The following ETV1 variants were observed in gnomAD, a reference collection of about 807,000 sequenced individuals.
ETV1 encodes the protein ETS variant transcription factor 1, also known as ETS translocation variant 1.
A neutral mutation model predicts 62.3 loss-of-function variants in ETV1; 27 were observed. The observed-to-expected ratio is 0.43, with a 90% CI of 0.32 to 0.60. ETV1 has a LOEUF of 0.60. Among genes scored for constraint, ETV1 ranks in the 20% least tolerant of loss-of-function variants. The pLI is 0.06. For synonymous variants in ETV1, 222 were observed against 199.6 expected, an observed-to-expected ratio of 1.11 and a Z score of -0.94; for missense variants, 605 against 605.8, an observed-to-expected ratio of 1.00 and a Z score of 0.01.
intron 6 of ETV1, among the ~76,000 whole-genome samples, chr7:13,950,113 G>C (rs1788624869): frequency 6.6e-6 from 1 of 152,062 alleles, no homozygotes; most frequent in Non-Finnish European, 1.5e-5. Flanking sequence ...TTTCAGGATT[G>C]AGCCAGTGTT....
chr7:13,953,311 T>C (rs1047113988), intron 6 of ETV1, among the ~76,000 whole-genome samples: 2 of 152,178 alleles, frequency 1.3e-5, no homozygotes, highest in African/African-American at 4.8e-5. Flanking sequence ...AATTACCTAA[T>C]TATGACCTTT....
At chr7:13,901,518 T>C (rs1300520851) in intron 12 of ETV1, among the ~76,000 whole-genome samples, 2 of 152,112 alleles carry the variant, frequency 1.3e-5, no homozygotes, top group African/African-American at 2.4e-5. Context: ...ACAAAAACTA[T>C]AGATAAAGAG....
At chr7:13,915,698 G>T (rs1039322500) in intron 9 of ETV1, among the ~76,000 whole-genome samples, 1 of 151,968 alleles carries the variant, frequency 6.6e-6, no homozygotes, top group Non-Finnish European at 1.5e-5. Flanking sequence ...CAAATTGAGT[G>T]CACTCAATTG....
At chr7:13,949,177 T>A (rs1330122994) in intron 6 of ETV1, among the ~76,000 whole-genome samples, 2 of 151,120 alleles carry the variant, frequency 1.3e-5, no homozygotes, top group African/African-American at 4.9e-5. Flanking sequence ...AAAAAAAAAA[T>A]CTCTGTAAAA....
intron 6 of ETV1, among the ~76,000 whole-genome samples, chr7:13,956,259 G>A (rs1011538430): frequency 4.6e-5 from 7 of 151,930 alleles, no homozygotes; most frequent in South Asian, 2.1e-4. Context: ...TTAAATGTTC[G>A]TTAAATTCTT....
chr7:13,988,611 A>T, intron 3 of ETV1: 10 of 1,224,506 alleles, frequency 8.2e-6, no homozygotes, highest in South Asian at 1.9e-5. Context: ...AAAAAAAAAG[A>T]GAAAATGAGA....
Position 13,951,648 on chromosome 7 carries a change from A to G in ETV1, c.236-12402T>C, listed in dbSNP as rs562896935. Among the ~76,000 whole-genome samples the G allele has an allele frequency of 1.8e-4, 27 of 152,326 alleles. No individual in the cohort carries two copies. In the South Asian group the frequency reaches 4.8e-3, roughly 27 times the overall value. On this transcript the variant is annotated intron_variant, in intron 6 of 13. Transcript: ENST00000430479. ...ATGGAGACTAAATCTTGGCTTTGCC[A>G]CTTACTAACTGAAGGACTTCTGGTA... is the stretch of plus-strand genomic sequence containing the variant.
At chr7:13,912,492 T>A in intron 9 of ETV1, among the ~76,000 whole-genome samples, 1 of 152,178 alleles carries the variant, frequency 6.6e-6, no homozygotes, top group Non-Finnish European at 1.5e-5. Flanking sequence ...ATTTAAGATA[T>A]ACTGATTTAA....
chr7:13,981,226 G>C (rs1003103114), intron 5 of ETV1, among the ~76,000 whole-genome samples: 2 of 152,092 alleles, frequency 1.3e-5, no homozygotes, highest in African/African-American at 4.8e-5. Context: ...GGCGGAAGAT[G>C]TATGAGTCAT....
At chr7:13,983,707 T>C (rs1782234276) in intron 5 of ETV1, among the ~76,000 whole-genome samples, 2 of 116,376 alleles carry the variant, frequency 1.7e-5, no homozygotes, top group African/African-American at 7.0e-5. Context: ...AAACTGTGTT[T>C]AGATGTTAAA....
chr7:13,986,997 A>G (rs1782605060), intron 4 of ETV1: 1 of 275,476 alleles, frequency 3.6e-6, no homozygotes. Flanking sequence ...GCTGAGGTGA[A>G]TATGTGTCTG....
chr7:13,913,706 CTTAAA>C (rs1783806189), intron 9 of ETV1, among the ~76,000 whole-genome samples: 1 of 151,930 alleles, frequency 6.6e-6, no homozygotes, highest in Admixed American at 6.6e-5. Context: ...CTCTGCTGTT[CTTAAA>C]TTATATGAGA....
At chr7:13,900,651 A>T in intron 13 of ETV1, 87 bp downstream of exon 13, 1 of 927,318 alleles carries the variant, frequency 1.1e-6, no homozygotes. Flanking sequence ...TCGCTTCAGC[A>T]ATGCAATGAT....
At chr7:13,965,536 A>G (rs557154815) in intron 6 of ETV1, among the ~76,000 whole-genome samples, 3 of 152,240 alleles carry the variant, frequency 2.0e-5, no homozygotes, top group South Asian at 2.1e-4. Context: ...AGATCTGCAT[A>G]GACTAAGCAA....
At chr7:13,936,344 A>T (rs1278738122) in intron 7 of ETV1, among the ~76,000 whole-genome samples, 1 of 152,142 alleles carries the variant, frequency 6.6e-6, no homozygotes. Context: ...CAGAGACCAC[A>T]CCTGGCTTGC....
At chr7:13,944,874 A>T (rs1787967500) in intron 6 of ETV1, among the ~76,000 whole-genome samples, 1 of 152,168 alleles carries the variant, frequency 6.6e-6, no homozygotes, top group Non-Finnish European at 1.5e-5. Flanking sequence ...CTGGATAAAG[A>T]GACATGCACA....
intron 12 of ETV1, among the ~76,000 whole-genome samples, chr7:13,902,196 T>C (rs1368484724): frequency 6.6e-6 from 1 of 152,174 alleles, no homozygotes; most frequent in Non-Finnish European, 1.5e-5. Context: ...CTATGTCATA[T>C]ATACTAAAAT....
At chr7:13,940,441 C>A (rs144154058) in intron 6 of ETV1, among the ~76,000 whole-genome samples, 4,321 of 150,354 alleles carry the variant, frequency 0.029, 91 homozygotes, top group Non-Finnish European at 0.041. Flanking sequence ...TGAAGAAATG[C>A]CTATTAGAAA....
chr7:13,972,022 G>C (rs960823006), intron 6 of ETV1, among the ~76,000 whole-genome samples: 2 of 151,988 alleles, frequency 1.3e-5, no homozygotes, highest in Non-Finnish European at 2.9e-5. Flanking sequence ...TGAGGCAAGA[G>C]ACACTTGAAT....
Sources: allele counts gnomAD v4.1 joint callset (sites outside exome capture counted in the v4.1 genomes callset), GRCh38; gene constraint gnomAD v4.1.1; transcripts MANE v1.5; gene names NCBI Gene and HGNC (gene_info 2026-07-23, HGNC 2026-07-21).